CTNNBL1: variants seen among roughly 807,000 people sequenced by gnomAD.
CTNNBL1 encodes the protein beta-catenin-like protein 1.
CTNNBL1 carries 31 observed loss-of-function variants against 72.7 expected under a neutral mutation model. That is an observed-to-expected ratio of 0.43 (90% CI 0.32 to 0.58). The LOEUF (loss-of-function observed/expected upper bound fraction) is 0.58. CTNNBL1 is among the 20% of genes least tolerant of loss of function. The probability of loss-of-function intolerance (pLI) is 0.08; values close to 1 mark genes in which losing one functional copy is unlikely to be tolerated. For missense variants in CTNNBL1, 534 were observed against 725.1 expected (o/e 0.74, Z 3.03); for synonymous variants, 240 against 267.3 (o/e 0.90, Z 1.00).
rs6125981 is a variant in CTNNBL1 at position 37,721,003 on chromosome 20, G to C, written c.31-11876G>C. Among the ~76,000 whole-genome samples the C allele has an allele frequency of 2.8e-3, 426 of 152,292 alleles. 5 individuals are homozygous for C. The highest frequency in any genetic ancestry group is 0.017 in the East Asian group (88 of 5,184). On this transcript the variant is annotated intron_variant, in intron 1 of 15. Transcript: ENST00000361383. ...CTCAAGGGAGGTGACATTTGAGTGGGGGCTTAAGACTGAGTAGCACTTCTC... is the reference window on the plus strand; with the variant it reads ...CTCAAGGGAGGTGACATTTGAGTGGCGGCTTAAGACTGAGTAGCACTTCTC...
intron 4 of CTNNBL1, among the ~76,000 whole-genome samples, chr20:37,753,658 C>A (rs2073339277): frequency 6.6e-6 from 1 of 152,174 alleles, no homozygotes; most frequent in Non-Finnish European, 1.5e-5. Context: ...ATAGTGAGCG[C>A]TTTGGGCATT....
intron 6 of CTNNBL1, among the ~76,000 whole-genome samples, chr20:37,767,219 G>A (rs908258071): frequency 1.3e-5 from 2 of 152,050 alleles, no homozygotes; most frequent in Admixed American, 6.6e-5. Context: ...GGGGCTGAAA[G>A]AAATGAAACC....
chr20:37,753,221 G>A (rs1485701956), intron 4 of CTNNBL1, among the ~76,000 whole-genome samples: 1 of 152,144 alleles, frequency 6.6e-6, no homozygotes, highest in Non-Finnish European at 1.5e-5. Context: ...TATAAAATCA[G>A]TTAGTGGTAG....
chr20:37,700,194 A>T (rs1360694593), intron 1 of CTNNBL1, among the ~76,000 whole-genome samples: 1 of 152,010 alleles, frequency 6.6e-6, no homozygotes, highest in African/African-American at 2.4e-5. Context: ...CTTTCTATAC[A>T]TCATTTTTTT....
chr20:37,703,509 C>A (rs187429809), intron 1 of CTNNBL1, among the ~76,000 whole-genome samples: 3 of 152,228 alleles, frequency 2.0e-5, no homozygotes, highest in Non-Finnish European at 4.4e-5. Flanking sequence ...TAACTCTCTT[C>A]TTCATCATTT....
chr20:37,758,270 G>A (rs766826515), intron 5 of CTNNBL1, among the ~76,000 whole-genome samples: 3 of 152,104 alleles, frequency 2.0e-5, no homozygotes, highest in African/African-American at 4.8e-5. Flanking sequence ...GCCTGTAGAC[G>A]ACAAGGCAGT....
At chr20:37,828,783 G>A (rs557884037) in intron 11 of CTNNBL1, among the ~76,000 whole-genome samples, 1 of 152,350 alleles carries the variant, frequency 6.6e-6, no homozygotes, top group Admixed American at 6.5e-5. Flanking sequence ...AGATCCATCT[G>A]TCTTGAGAAG....
At chr20:37,709,097 A>G (rs902035644) in intron 1 of CTNNBL1, among the ~76,000 whole-genome samples, 2 of 152,118 alleles carry the variant, frequency 1.3e-5, no homozygotes, top group Non-Finnish European at 2.9e-5. Context: ...AGATCGCGCC[A>G]CTGCACTCCA....
intron 1 of CTNNBL1, among the ~76,000 whole-genome samples, chr20:37,708,562 T>C (rs986327387): frequency 1.3e-5 from 2 of 152,212 alleles, no homozygotes; most frequent in African/African-American, 4.8e-5. Flanking sequence ...GGTATGCTTG[T>C]AGTTCAGAAC....
chr20:37,817,646 G>A (rs1264164313), intron 11 of CTNNBL1, among the ~76,000 whole-genome samples: 1 of 152,132 alleles, frequency 6.6e-6, no homozygotes, highest in Non-Finnish European at 1.5e-5. Flanking sequence ...TATCACAGAC[G>A]AATCACCTGG....
At chr20:37,842,172 C>T (rs1409977531) in intron 12 of CTNNBL1, 167 bp from the exon 13 acceptor site, 2 of 604,700 alleles carry the variant, frequency 3.3e-6, no homozygotes. Context: ...GCCCTTTGAT[C>T]CATTCCTGAT....
In CTNNBL1 at chr20:37,733,056, G is replaced by T; in HGVS notation, c.208G>T (p.Glu70Ter). The T allele has an allele frequency of 6.2e-7, 1 of 1,612,848 alleles. No individual in the cohort carries two copies. Among genetic ancestry groups the T allele is most frequent in the Non-Finnish European group, 8.5e-7 (1 of 1,179,790 alleles). The change falls in exon 2 of 16, where the codon GAA becomes TAA. Residue 70 changes from glutamate to a stop codon, truncating the protein, a stop_gained. Transcript: ENST00000361383. LOFTEE classifies it high-confidence loss of function. ...LQIIDRDGEE[E>*]EEEEEPLDES... ...GATTATTGACAGAGATGGGGAAGAG[G>T]AAGAGGAAGAGGTAACGTGGCAGCG...
intron 11 of CTNNBL1, among the ~76,000 whole-genome samples, chr20:37,828,665 G>C (rs1422086894): frequency 2.0e-5 from 3 of 152,204 alleles, no homozygotes; most frequent in African/African-American, 7.2e-5. Context: ...TGGAGTTCCT[G>C]GCCCCTAGCC....
At chr20:37,716,628 A>G (rs1319061185) in intron 1 of CTNNBL1, among the ~76,000 whole-genome samples, 1 of 152,184 alleles carries the variant, frequency 6.6e-6, no homozygotes, top group Non-Finnish European at 1.5e-5. Flanking sequence ...ACATGAAACC[A>G]TATCTTTTCA....
chr20:37,753,694 G>C (rs1253503513), intron 4 of CTNNBL1, among the ~76,000 whole-genome samples: 2 of 152,208 alleles, frequency 1.3e-5, no homozygotes, highest in Non-Finnish European at 2.9e-5. Context: ...CTGTATTATA[G>C]TGCTTTCATA....
chr20:37,801,533 C>T (rs1381417070), intron 10 of CTNNBL1, among the ~76,000 whole-genome samples: 1 of 152,184 alleles, frequency 6.6e-6, no homozygotes, highest in East Asian at 1.9e-4. Flanking sequence ...GAGGGAAAAA[C>T]ACCTTTATTT....
At chr20:37,701,377 G>A (rs1266260163) in intron 1 of CTNNBL1, among the ~76,000 whole-genome samples, 1 of 152,142 alleles carries the variant, frequency 6.6e-6, no homozygotes, top group Non-Finnish European at 1.5e-5. Context: ...TATTTACCAT[G>A]TGCCATCTCC....
intron 11 of CTNNBL1, among the ~76,000 whole-genome samples, chr20:37,811,312 TCA>T (rs2072010622): frequency 6.6e-6 from 1 of 152,180 alleles, no homozygotes; most frequent in African/African-American, 2.4e-5. Flanking sequence ...AGCTTGACAA[TCA>T]CAGAGTTGGT....
intron 15 of CTNNBL1, among the ~76,000 whole-genome samples, chr20:37,865,037 G>A (rs2072525849): frequency 6.6e-6 from 1 of 152,186 alleles, no homozygotes; most frequent in Non-Finnish European, 1.5e-5. Flanking sequence ...TCCAGACTCA[G>A]AAGGAGCTAT....
Sources: allele counts gnomAD v4.1 joint callset (sites outside exome capture counted in the v4.1 genomes callset), GRCh38; gene constraint gnomAD v4.1.1; transcripts MANE v1.5; gene names NCBI Gene and HGNC (gene_info 2026-07-23, HGNC 2026-07-21).